The following TAMM41 variants were observed in gnomAD, a reference collection of about 807,000 sequenced individuals.
The protein encoded by TAMM41 is TAM41 mitochondrial translocator assembly and maintenance homolog.
Under a neutral mutation model 44.1 loss-of-function variants are expected in TAMM41, and 36 were observed. The observed-to-expected ratio is 0.82, with a 90% confidence interval of 0.63 to 1.08. TAMM41 has a LOEUF of 1.08. TAMM41 is among the 50% of genes least tolerant of loss of function. The pLI is 0.00. For synonymous variants in TAMM41, 164 were observed against 153.1 expected (o/e 1.07, Z -0.53); for missense variants, 417 against 404.3 (o/e 1.03, Z -0.27).
intron 3 of TAMM41, chr3:11,832,997 C>T (rs1348836408): frequency 9.5e-7 from 1 of 1,047,890 alleles, no homozygotes; most frequent in African/African-American, 1.7e-5. Context: ...ATAAAAGCAT[C>T]CTTACTCAAA....
chr3:11,752,406 C>A, the TAMM41 span, among the ~76,000 whole-genome samples: 1 of 152,016 alleles, frequency 6.6e-6, no homozygotes, highest in Non-Finnish European at 1.5e-5. Context: ...TTTGTCCCTG[C>A]CCACATCCTG....
At chr3:11,787,378 G>A (rs1342057530), downstream of TAMM41, among the ~76,000 whole-genome samples, 1 of 152,142 alleles carries the variant, frequency 6.6e-6, no homozygotes, top group Non-Finnish European at 1.5e-5. Context: ...AGCAGGTGTG[G>A]GCTTGTAAGT....
chr3:11,757,114 A>G, the TAMM41 span, among the ~76,000 whole-genome samples: 2 of 152,218 alleles, frequency 1.3e-5, no homozygotes, highest in African/African-American at 4.8e-5. Flanking sequence ...TAACTGAGGC[A>G]CAGAGGGGTT....
chr3:11,842,946 C>A (rs1349683509), intron 2 of TAMM41, among the ~76,000 whole-genome samples: 3 of 152,186 alleles, frequency 2.0e-5, no homozygotes, highest in Admixed American at 6.5e-5. Context: ...TAGGTCTTGA[C>A]AGCTCTCTTG....
At chr3:11,793,250 T>C (rs776474197) in intron 7 of TAMM41, among the ~76,000 whole-genome samples, 3 of 151,816 alleles carry the variant, frequency 2.0e-5, no homozygotes, top group Non-Finnish European at 4.4e-5. Flanking sequence ...CATATCCAAA[T>C]AAACAAATGA....
intron 4 of TAMM41, among the ~76,000 whole-genome samples, chr3:11,828,497 G>A (rs1329166396): frequency 1.3e-5 from 2 of 152,218 alleles, no homozygotes; most frequent in African/African-American, 4.8e-5. Context: ...CACCAAGTCA[G>A]CTTTCATAAA....
At chr3:11,731,633 G>T in the TAMM41 span, among the ~76,000 whole-genome samples, 1 of 152,198 alleles carries the variant, frequency 6.6e-6, no homozygotes, top group African/African-American at 2.4e-5. Flanking sequence ...TACAGACGGG[G>T]GAAAAGGAGA....
At chr3:11,822,982 T>G (rs2078585156) in intron 4 of TAMM41, among the ~76,000 whole-genome samples, 1 of 152,238 alleles carries the variant, frequency 6.6e-6, no homozygotes, top group Non-Finnish European at 1.5e-5. Flanking sequence ...TGTACCACTT[T>G]ACAATCTAAT....
chr3:11,758,039 A>G, the TAMM41 span, among the ~76,000 whole-genome samples: 2 of 152,116 alleles, frequency 1.3e-5, no homozygotes, highest in East Asian at 1.9e-4. Flanking sequence ...AGGGCAGAGG[A>G]TGCCTCCCAG....
the TAMM41 span, among the ~76,000 whole-genome samples, chr3:11,748,102 T>A: frequency 6.6e-6 from 1 of 151,718 alleles, no homozygotes; most frequent in Admixed American, 6.6e-5. Flanking sequence ...CTCAAACTCC[T>A]GGACTCAAGC....
chr3:11,746,033 G>A, the TAMM41 span, among the ~76,000 whole-genome samples: 10 of 152,198 alleles, frequency 6.6e-5, no homozygotes, highest in Non-Finnish European at 8.8e-5. Flanking sequence ...GGGCGCGGTC[G>A]CTCACGCCTG....
At chr3:11,804,975 C>T (rs926343638) in intron 7 of TAMM41, among the ~76,000 whole-genome samples, 9 of 145,232 alleles carry the variant, frequency 6.2e-5, no homozygotes, top group Admixed American at 2.8e-4. Flanking sequence ...GGACTACGGG[C>T]GCGCACCACC....
At chr3:11,771,849 T>C in the TAMM41 span, among the ~76,000 whole-genome samples, 1 of 151,414 alleles carries the variant, frequency 6.6e-6, no homozygotes, top group Admixed American at 6.6e-5. Flanking sequence ...TCCCAAAGTG[T>C]TGGGATTACA....
At chr3:11,743,026 CA>C in the TAMM41 span, among the ~76,000 whole-genome samples, 2 of 152,124 alleles carry the variant, frequency 1.3e-5, no homozygotes, top group African/African-American at 4.8e-5. Flanking sequence ...TAGGCCCCCC[CA>C]ACCAGACACA....
At chr3:11,753,441 T>C in the TAMM41 span, among the ~76,000 whole-genome samples, 4 of 149,728 alleles carry the variant, frequency 2.7e-5, no homozygotes, top group African/African-American at 9.9e-5. Context: ...CCAAAAAATA[T>C]AGGCCAGGTG....
At chr3:11,728,838 G>A in the TAMM41 span, among the ~76,000 whole-genome samples, 16 of 151,942 alleles carry the variant, frequency 1.1e-4, no homozygotes, top group Non-Finnish European at 4.4e-5. Context: ...GTGAAACCCC[G>A]TCGCCACTAA....
chr3:11,726,442 CAGTTG>C, the TAMM41 span, among the ~76,000 whole-genome samples: 1 of 152,200 alleles, frequency 6.6e-6, no homozygotes, highest in Non-Finnish European at 1.5e-5. Flanking sequence ...TCTGGCAGCA[CAGTTG>C]AGGCTTAGTG....
At chr3:11,816,157 C>T (rs2124981173) in intron 5 of TAMM41, among the ~76,000 whole-genome samples, 1 of 151,474 alleles carries the variant, frequency 6.6e-6, no homozygotes, top group South Asian at 2.1e-4. Context: ...TTAGTTGCCC[C>T]TACTATGTGG....
At chr3:11,776,505 G>GTGTT in the TAMM41 span, among the ~76,000 whole-genome samples, 1 of 152,128 alleles carries the variant, frequency 6.6e-6, no homozygotes, top group Non-Finnish European at 1.5e-5. Context: ...GCTCACCACT[G>GTGTT]TGTTAACAAC....
Sources: allele counts gnomAD v4.1 joint callset (sites outside exome capture counted in the v4.1 genomes callset), GRCh38; gene constraint gnomAD v4.1.1; transcripts MANE v1.5; gene names NCBI Gene and HGNC (gene_info 2026-07-23, HGNC 2026-07-21).